Variants in CSMD1 observed in about 807,000 individuals in gnomAD.
The protein encoded by CSMD1 is CUB and Sushi multiple domains 1.
In CSMD1, 213 loss-of-function variants were observed where a neutral mutation model predicts 417.5. The observed-to-expected ratio is 0.51, with a 90% CI of 0.46 to 0.57. The LOEUF (loss-of-function observed/expected upper bound fraction) is 0.57, where lower values mean the gene tolerates loss of function less well. CSMD1 is among the 20% of genes least tolerant of loss of function. The probability of loss-of-function intolerance (pLI) is 0.00; values close to 1 mark genes in which losing one functional copy is unlikely to be tolerated. For missense variants in CSMD1, 6,923 were observed against 4,529.7 expected, an observed-to-expected ratio of 1.53 and a Z score of -15.17; for synonymous variants, 2,862 against 1,736.8, an observed-to-expected ratio of 1.65 and a Z score of -16.11.
At chr8:4,113,581 A>AT (rs1175823308) in intron 3 of CSMD1, among the ~76,000 whole-genome samples, 9 of 151,838 alleles carry the variant, frequency 5.9e-5, no homozygotes, top group African/African-American at 2.2e-4. Context: ...ATTTTCTGTT[A>AT]TTTTAGTAGA....
At chr8:4,199,322 G>A (rs1263084262) in intron 3 of CSMD1, among the ~76,000 whole-genome samples, 1 of 152,112 alleles carries the variant, frequency 6.6e-6, no homozygotes, top group Non-Finnish European at 1.5e-5. Context: ...TTCATAGTTT[G>A]AGGTCTGTAT....
At chr8:3,994,873 G>C (rs944027914) in intron 5 of CSMD1, among the ~76,000 whole-genome samples, 7 of 152,102 alleles carry the variant, frequency 4.6e-5, no homozygotes, top group African/African-American at 7.2e-5. Context: ...TCTTCTGAGA[G>C]TGCCCTTGCT....
chr8:3,218,063 T>C (rs899875498), intron 29 of CSMD1, among the ~76,000 whole-genome samples: 38 of 152,070 alleles, frequency 2.5e-4, no homozygotes, highest in Admixed American at 2.0e-4. Context: ...TAGCAAAATG[T>C]TGAGTTGAAG....
chr8:2,995,313 T>A (rs1806787272), intron 54 of CSMD1, among the ~76,000 whole-genome samples: 1 of 152,154 alleles, frequency 6.6e-6, no homozygotes, highest in East Asian at 1.9e-4. Context: ...TCGTTAGCCA[T>A]CAGGAAATTG....
intron 5 of CSMD1, among the ~76,000 whole-genome samples, chr8:3,831,970 A>T (rs549800902): frequency 6.6e-6 from 1 of 152,198 alleles, no homozygotes; most frequent in South Asian, 2.1e-4. Flanking sequence ...TAGGTTTTGT[A>T]CATTTGTGTT....
chr8:3,375,099 T>G (rs1421418380), intron 18 of CSMD1: 1 of 152,158 alleles, frequency 6.6e-6, no homozygotes, highest in Non-Finnish European at 1.5e-5. Flanking sequence ...AACTGTAACT[T>G]GAAACCTGAC....
chr8:4,700,318 A>C (rs1807442446), intron 1 of CSMD1, among the ~76,000 whole-genome samples: 3 of 151,868 alleles, frequency 2.0e-5, no homozygotes, highest in African/African-American at 7.2e-5. Context: ...TTAAAGGATT[A>C]TTTTATCATT....
At chr8:3,543,986 G>C (rs1051012612) in intron 10 of CSMD1, among the ~76,000 whole-genome samples, 6 of 152,148 alleles carry the variant, frequency 3.9e-5, no homozygotes, top group Non-Finnish European at 8.8e-5. Context: ...AGTCAGATAG[G>C]AAGGGGATCA....
chr8:4,462,007 C>G (rs1187951411), intron 2 of CSMD1, among the ~76,000 whole-genome samples: 1 of 152,010 alleles, frequency 6.6e-6, no homozygotes, highest in Non-Finnish European at 1.5e-5. Flanking sequence ...TCCCAAATTG[C>G]TGGGATTACA....
intron 10 of CSMD1, among the ~76,000 whole-genome samples, chr8:3,539,690 G>A (rs984535804): frequency 1.3e-5 from 2 of 151,366 alleles, no homozygotes; most frequent in East Asian, 1.9e-4. Flanking sequence ...CAAATCAAGT[G>A]TGGGATAACA....
At chr8:3,935,827 C>A (rs1172109636) in intron 5 of CSMD1, among the ~76,000 whole-genome samples, 1 of 152,112 alleles carries the variant, frequency 6.6e-6, no homozygotes, top group East Asian at 1.9e-4. Flanking sequence ...GGAAGAGTCA[C>A]ATGTCTCTAT....
chr8:4,706,164 C>T (rs572123548), intron 1 of CSMD1, among the ~76,000 whole-genome samples: 16 of 150,666 alleles, frequency 1.1e-4, no homozygotes, highest in Admixed American at 4.0e-4. Flanking sequence ...TATTTATATA[C>T]TGTACATATA....
At chr8:3,705,578 A>G (rs1382125855) in intron 7 of CSMD1, among the ~76,000 whole-genome samples, 1 of 152,236 alleles carries the variant, frequency 6.6e-6, no homozygotes, top group African/African-American at 2.4e-5. Context: ...TCCAGCTTAC[A>G]GAATAAAAAA....
At chr8:4,703,852 C>A (rs576582648) in intron 1 of CSMD1, among the ~76,000 whole-genome samples, 2 of 152,246 alleles carry the variant, frequency 1.3e-5, no homozygotes, top group African/African-American at 2.4e-5. Flanking sequence ...CTCTGGCAGA[C>A]AATTTTTCCA....
intron 3 of CSMD1, among the ~76,000 whole-genome samples, chr8:4,147,853 A>G (rs10112217): frequency 0.46 from 69,273 of 151,768 alleles, 15,906 homozygotes; most frequent in Admixed American, 0.52. Context: ...CTGGTCTGGA[A>G]ATGGTAGCTG....
chr8:4,397,227 C>T (rs1804300606), intron 3 of CSMD1, among the ~76,000 whole-genome samples: 2 of 152,070 alleles, frequency 1.3e-5, no homozygotes, highest in East Asian at 1.9e-4. Context: ...CAGCTCCCTT[C>T]TGTTTATTTA....
intron 5 of CSMD1, among the ~76,000 whole-genome samples, chr8:3,951,369 T>C (rs17068182): frequency 2.6e-4 from 40 of 152,186 alleles, no homozygotes; most frequent in Non-Finnish European, 5.1e-4. Context: ...AAGAATTCAA[T>C]AAGTTTGTTA....
chr8:3,009,581 G>A (rs376765839), intron 52 of CSMD1, among the ~76,000 whole-genome samples: 15 of 152,122 alleles, frequency 9.9e-5, no homozygotes, highest in African/African-American at 3.4e-4. Flanking sequence ...ACACTTCAAC[G>A]GACATATTGA....
chr8:4,993,482 A>T (rs756762527), intron 1 of CSMD1, among the ~76,000 whole-genome samples: 7 of 151,872 alleles, frequency 4.6e-5, no homozygotes, highest in Admixed American at 3.9e-4. Context: ...GCCAGCCTTG[A>T]GGTCGCAGCC....
Sources: allele counts gnomAD v4.1 joint callset (sites outside exome capture counted in the v4.1 genomes callset), GRCh38; gene constraint gnomAD v4.1.1; transcripts MANE v1.5; gene names NCBI Gene and HGNC (gene_info 2026-07-23, HGNC 2026-07-21).